The following ADGRL1 variants were observed in gnomAD, a reference collection of about 807,000 sequenced individuals.
The protein encoded by ADGRL1 is CIRL-1.
Under a neutral mutation model 148.9 loss-of-function variants are expected in ADGRL1, and 31 were observed. The observed-to-expected ratio is 0.21, with a 90% CI of 0.16 to 0.28. The LOEUF is 0.28. Among genes scored for constraint, ADGRL1 ranks in the 10% least tolerant of loss-of-function variants. The probability of loss-of-function intolerance (pLI) is 1.00; values close to 1 mark genes in which losing one functional copy is unlikely to be tolerated. For missense variants in ADGRL1, 1,521 were observed against 2,058.8 expected (o/e 0.74, Z 5.05); for synonymous variants, 937 against 900.3 (o/e 1.04, Z -0.73).
intron 4 of ADGRL1, among the ~76,000 whole-genome samples, chr19:14,167,210 G>A (rs1006852696): frequency 7.2e-5 from 11 of 151,918 alleles, no homozygotes; most frequent in Admixed American, 7.2e-4. Context: ...TCGGGCCCCC[G>A]CCCCCAGGTC....
chr19:14,205,656 C>A (rs1422153995), intron 1 of ADGRL1, among the ~76,000 whole-genome samples: 1 of 151,438 alleles, frequency 6.6e-6, no homozygotes, highest in Non-Finnish European at 1.5e-5. Flanking sequence ...GGCTGGCGCG[C>A]GCGCGGGCAC....
intron 2 of ADGRL1, among the ~76,000 whole-genome samples, chr19:14,180,002 C>CTA (rs778557019): frequency 2.6e-5 from 4 of 152,194 alleles, no homozygotes; most frequent in Non-Finnish European, 5.9e-5. Context: ...TCTCAGCTGA[C>CTA]TTCTAGAGAT....
Position 14,181,645 on chromosome 19 carries a change from G to A in ADGRL1, c.70+1888C>T, listed in dbSNP as rs1971204181. 2.6e-5 allele frequency among the ~76,000 whole-genome samples: 4 copies of A among 151,168 alleles called. No homozygotes were observed. In the South Asian group the frequency reaches 8.4e-4, roughly 32 times the overall value. On this transcript the variant is annotated intron_variant, in intron 2 of 22. Transcript: ENST00000361434. ...TGAGGCAGGAGAATCGCTTGAACCC[G>A]GGAGGCAGAGGTTGCAGTGAGCCGA... is the stretch of plus-strand genomic sequence containing the variant.
chr19:14,203,252 C>T (rs1972734070), intron 1 of ADGRL1, among the ~76,000 whole-genome samples: 1 of 152,144 alleles, frequency 6.6e-6, no homozygotes, highest in African/African-American at 2.4e-5. Context: ...AAATCAGATC[C>T]GTGAGAGGAA....
chr19:14,170,626 C>CA (rs1970387220), intron 4 of ADGRL1, 56 bp downstream of exon 4: 5 of 1,066,278 alleles, frequency 4.7e-6, no homozygotes, highest in East Asian at 2.5e-5. Context: ...GGTGTCTCCT[C>CA]CTCACTCACT....
At chr19:14,163,465 G>A (rs1969619773) in intron 4 of ADGRL1, 59 bp from the exon 5 acceptor site, 1 of 700,936 alleles carries the variant, frequency 1.4e-6, no homozygotes, top group Admixed American at 3.2e-5. Flanking sequence ...GCGAGAGGGA[G>A]GAGAGAGAGA....
chr19:14,200,814 C>A (rs1352559473), intron 1 of ADGRL1, among the ~76,000 whole-genome samples: 1 of 152,062 alleles, frequency 6.6e-6, no homozygotes, highest in Non-Finnish European at 1.5e-5. Flanking sequence ...AAGGGGGTCT[C>A]GCTTTGTCGC....
intron 3 of ADGRL1, among the ~76,000 whole-genome samples, chr19:14,173,084 C>T (rs2144904466): frequency 6.6e-6 from 1 of 152,236 alleles, no homozygotes; most frequent in African/African-American, 2.4e-5. Context: ...CTCTGCCTCC[C>T]AAGGAGCTGG....
chr19:14,159,834 T>TA lies in ADGRL1; in HGVS notation c.1801-62dup. 1 of 1,383,290 alleles carries TA rather than the reference T, an allele frequency of 7.2e-7. No homozygotes were observed. The highest frequency in any genetic ancestry group is 1.4e-5 in the African/African-American group (1 of 70,674). 85.7% of individuals were successfully genotyped at this position (1,383,290 alleles called of 1,614,324 possible). On this transcript the variant is annotated intron_variant, in intron 8 of 22. Transcript: ENST00000361434. The surrounding 1 kb of genome is among the most constrained non-coding windows in gnomAD (Gnocchi z 6.0). ...CTGGGTGCCGGTTCCCTCACCCTAATACTGTCACATCTGGATAGCTCTCTC... is the reference window on the plus strand; with the variant it reads ...CTGGGTGCCGGTTCCCTCACCCTAATAACTGTCACATCTGGATAGCTCTCTC...
At chr19:14,172,710 A>C (rs376910995) in intron 3 of ADGRL1, among the ~76,000 whole-genome samples, 19 of 152,210 alleles carry the variant, frequency 1.2e-4, no homozygotes, top group East Asian at 7.7e-4. Context: ...GCTGTACTCC[A>C]GAAGTAGACA....
chr19:14,150,653 G>A lies in ADGRL1; in HGVS notation c.*220C>T, dbSNP rs1968068776. On this transcript the variant is annotated 3_prime_UTR_variant, in exon 23 of 23. Transcript: ENST00000361434. The stretch of plus-strand genomic sequence containing the variant: ...CCTCACTACACTTCCCCCAAATAGA[G>A]CTGGTGCGTGTGGCTGGTGGGAAAC... 8.6e-6 allele frequency: 5 copies of A among 581,654 alleles called. No individual in the cohort carries two copies. Among genetic ancestry groups the A allele is most frequent in the Admixed American group, 3.4e-5 (1 of 29,828 alleles). 36.0% of individuals were successfully genotyped at this position (581,654 alleles called of 1,614,324 possible).
At chr19:14,151,784 G>A (rs545064420) in intron 22 of ADGRL1, among the ~76,000 whole-genome samples, 169 bp from the exon 23 acceptor site, 1 of 152,232 alleles carries the variant, frequency 6.6e-6, no homozygotes, top group Non-Finnish European at 1.5e-5. Flanking sequence ...CTCCCTCACT[G>A]GCACTAGACA....
chr19:14,163,499 G>GAGA, intron 4 of ADGRL1, 93 bp from the exon 5 acceptor site: 2 of 740,218 alleles, frequency 2.7e-6, no homozygotes, highest in Non-Finnish European at 4.0e-6. Context: ...AGAGAGAGAG[G>GAGA]GGGGAGAGAG....
intron 3 of ADGRL1, among the ~76,000 whole-genome samples, chr19:14,175,343 CCA>C (rs1970745848): frequency 6.6e-6 from 1 of 151,446 alleles, no homozygotes; most frequent in East Asian, 1.9e-4. Flanking sequence ...ACACATCTGC[CCA>C]CAGACACAGT....
Position 14,161,433 on chromosome 19 carries a change from TG to T in ADGRL1, c.1388del (p.Pro463GlnfsTer107). 1.4e-6 allele frequency: 2 copies of T among 1,469,280 alleles called. No individual in the cohort carries two copies. Among genetic ancestry groups the T allele is most frequent in the Non-Finnish European group, 1.8e-6 (2 of 1,111,390 alleles). 91.0% of individuals were successfully genotyped at this position (1,469,280 alleles called of 1,614,324 possible). The stretch of plus-strand genomic sequence containing the variant: ...CAGGGGACACGTGTAGATTCGGGGC[TG>T]GGGGCCGCCGGGTGCTGGGGACTGG... ...TAPVPSTRRP[P>X]APNLHVSPEL... On this transcript the variant is annotated frameshift_variant, in exon 6 of 23. Coordinates refer to ENST00000361434, the MANE Select transcript of ADGRL1 (RefSeq NM_014921.5). LOFTEE classifies it high-confidence loss of function. The surrounding 1 kb of genome is among the most constrained non-coding windows in gnomAD (Gnocchi z 4.4).
At chr19:14,190,959 G>A in intron 1 of ADGRL1, 1 of 390,356 alleles carries the variant, frequency 2.6e-6, no homozygotes, top group Non-Finnish European at 5.2e-6. Flanking sequence ...GTGATGGCGG[G>A]GACCTGTAAT....
chr19:14,162,336 C>A lies in ADGRL1; in HGVS notation c.1195+270G>T, dbSNP rs1409793599. ...AGTGGTTGGGAGGCTGGGTTCAAAT[C>A]CTCAAATAACTTAATCCCCTACCCA... On this transcript the variant is annotated intron_variant, in intron 5 of 22. Coordinates refer to ENST00000361434, the MANE Select transcript of ADGRL1 (RefSeq NM_014921.5). This position sits in a 1 kb window ranked among gnomAD's most constrained non-coding sequence, Gnocchi z 5.4. Among the ~76,000 whole-genome samples the A allele has an allele frequency of 6.6e-6, 1 of 152,144 alleles. No homozygotes were observed. Among genetic ancestry groups the A allele is most frequent in the East Asian group, 1.9e-4 (1 of 5,196 alleles).
intron 4 of ADGRL1, among the ~76,000 whole-genome samples, chr19:14,167,480 C>A (rs1193985100): frequency 6.6e-6 from 1 of 152,080 alleles, no homozygotes; most frequent in East Asian, 1.9e-4. Context: ...CCACTCGGCT[C>A]CCTTCCCACC....
intron 22 of ADGRL1, among the ~76,000 whole-genome samples, chr19:14,151,873 C>T (rs1422680251): frequency 6.6e-6 from 1 of 152,178 alleles, no homozygotes; most frequent in African/African-American, 2.4e-5. Context: ...GCTGGAGGTT[C>T]AGAATCTCAG....
Sources: gnomAD v4.1 joint callset for allele counts (sites outside exome capture counted in the v4.1 genomes callset) on GRCh38, gnomAD v4.1.1 for gene constraint, Gnocchi (gnomAD v3.1) non-coding constraint, MANE v1.5 for transcripts, NCBI Gene and HGNC (gene_info 2026-07-23, HGNC 2026-07-21) for gene names.